XIRP2: variants seen among roughly 807,000 people sequenced by gnomAD.
XIRP2 encodes xin actin binding repeat containing 2, also known as xin actin-binding repeat-containing protein 2.
Under a neutral mutation model 277.0 loss-of-function variants are expected in XIRP2, and 236 were observed. The observed-to-expected ratio is 0.85, with a 90% CI of 0.77 to 0.95. The LOEUF (loss-of-function observed/expected upper bound fraction) is 0.95. Ranked by LOEUF, XIRP2 falls within the 40% of genes least tolerant of loss-of-function variation. The pLI, the probability that XIRP2 is intolerant of heterozygous loss-of-function variation, is 0.00. For missense variants in XIRP2, 4,640 were observed against 4,157.5 expected (o/e 1.12, Z -3.19); for synonymous variants, 1,490 against 1,416.5 (o/e 1.05, Z -1.17).
chr2:166,949,024 G>A (rs1233544256), intron 2 of XIRP2, among the ~76,000 whole-genome samples: 1 of 151,512 alleles, frequency 6.6e-6, no homozygotes, highest in Non-Finnish European at 1.5e-5. Context: ...CTCTCTAAAT[G>A]TTAACCTGTA....
intron 2 of XIRP2, among the ~76,000 whole-genome samples, chr2:166,920,081 C>G (rs1684997315): frequency 6.6e-6 from 1 of 152,056 alleles, no homozygotes; most frequent in African/African-American, 2.4e-5. Flanking sequence ...TTCGTCTGCC[C>G]TCAGGTGACT....
At chr2:166,981,697 A>T (rs1239372403) in intron 2 of XIRP2, among the ~76,000 whole-genome samples, 1 of 152,090 alleles carries the variant, frequency 6.6e-6, no homozygotes, top group Non-Finnish European at 1.5e-5. Context: ...CACCGCACCC[A>T]GTTCCTTCTC....
intron 3 of XIRP2, among the ~76,000 whole-genome samples, chr2:167,157,023 A>G (rs2105336909): frequency 6.6e-6 from 1 of 152,188 alleles, no homozygotes; most frequent in African/African-American, 2.4e-5. Context: ...TCATCCTTAT[A>G]CATTTTTCCA....
intron 2 of XIRP2, among the ~76,000 whole-genome samples, chr2:167,028,439 A>G (rs1688235660): frequency 6.6e-6 from 1 of 152,092 alleles, no homozygotes; most frequent in Non-Finnish European, 1.5e-5. Context: ...ATTCTCTCAG[A>G]TCTTACCCAA....
intron 5 of XIRP2, among the ~76,000 whole-genome samples, chr2:167,238,727 T>A (rs2105427210): frequency 6.6e-6 from 1 of 152,320 alleles, no homozygotes; most frequent in African/African-American, 2.4e-5. Flanking sequence ...TCAAAAATAA[T>A]ATTTATTATT....
At chr2:167,162,209 T>C (rs1692390838) in intron 3 of XIRP2, among the ~76,000 whole-genome samples, 1 of 152,202 alleles carries the variant, frequency 6.6e-6, no homozygotes, top group South Asian at 2.1e-4. Context: ...TTCTGAACCC[T>C]CCAAACTGTT....
Position 167,244,303 on chromosome 2 carries a change from G to A in XIRP2, c.2911G>A (p.Val971Ile), listed in dbSNP as rs773725714. 6.8e-6 allele frequency: 11 copies of A among 1,613,784 alleles called. No homozygotes were observed. The South Asian group carries it at 9.9e-5, about 14-fold the overall frequency. ...DASHKIEVEGVTRGAVELNKS... is the reference protein window; with the variant it reads ...DASHKIEVEGITRGAVELNKS... Reference sequence around the variant, plus strand: ...ATCACATAAAATAGAGGTGGAAGGAGTTACAAGAGGTGCTGTAGAGTTAAA... The same window carrying A: ...ATCACATAAAATAGAGGTGGAAGGAATTACAAGAGGTGCTGTAGAGTTAAA... Residue 971 changes from valine (V) to isoleucine (I), a missense_variant, in exon 9 of 11, where the codon GTT becomes ATT. Coordinates refer to ENST00000409195, the MANE Select transcript of XIRP2 (RefSeq NM_152381.6).
Position 167,218,313 on chromosome 2 carries a change from C to T in XIRP2, c.858+13C>T, listed in dbSNP as rs531374297. 6.9e-6 allele frequency: 10 copies of T among 1,449,972 alleles called. No individual in the cohort carries two copies. Among genetic ancestry groups the T allele is most frequent in the Non-Finnish European group, 9.2e-6 (10 of 1,091,658 alleles). 89.8% of individuals were successfully genotyped at this position (1,449,972 alleles called of 1,614,324 possible). ...CAGATCTGAGCAGGTAATACTACTA[C>T]AGGTGATGGGTAAATCAGGCATGGT... is the stretch of plus-strand genomic sequence containing the variant. On this transcript the variant is annotated intron_variant, in intron 5 of 10. Coordinates refer to ENST00000409195, the MANE Select transcript of XIRP2 (RefSeq NM_152381.6).
At chr2:167,228,131 A>G (rs1193926973) in intron 5 of XIRP2, among the ~76,000 whole-genome samples, 1 of 152,178 alleles carries the variant, frequency 6.6e-6, no homozygotes, top group Non-Finnish European at 1.5e-5. Context: ...TGCCCATAAA[A>G]TATAATCAGA....
At chr2:167,038,603 T>C (rs1046502221) in intron 2 of XIRP2, among the ~76,000 whole-genome samples, 1 of 151,800 alleles carries the variant, frequency 6.6e-6, no homozygotes, top group African/African-American at 2.4e-5. Context: ...ATGTTGCTTT[T>C]CTTGTATCTT....
In XIRP2 at chr2:167,136,003, G is replaced by T. The variant is rs1017783417; in HGVS notation, c.503G>T (p.Gly168Val). 4.3e-6 allele frequency: 7 copies of T among 1,611,836 alleles called. No homozygotes were observed. Among genetic ancestry groups the T allele is most frequent in the Non-Finnish European group, 5.9e-6 (7 of 1,179,052 alleles). The change falls in exon 3 of 11, where the codon GGC (glycine) becomes GTC (valine). Residue 168 changes from glycine to valine, a missense_variant. Gly to Val is a moderately radical substitution (Grantham distance 109). Coordinates refer to ENST00000409195, the MANE Select transcript of XIRP2 (RefSeq NM_152381.6). ...EDSVKDSDKK[G>V]KETSFDKMSP... ...TCTGTGAAAGATTCAGACAAGAAAGGCAAGGAAACATCTTTTGACAAGATG... is the reference window on the plus strand; with the variant it reads ...TCTGTGAAAGATTCAGACAAGAAAGTCAAGGAAACATCTTTTGACAAGATG...
chr2:166,969,422 T>C (rs1686515094), intron 2 of XIRP2, among the ~76,000 whole-genome samples: 1 of 152,014 alleles, frequency 6.6e-6, no homozygotes, highest in South Asian at 2.1e-4. Flanking sequence ...AGCTGCAGCC[T>C]TTAAATTTGA....
Position 167,247,394 on chromosome 2 carries a change from TG to T in XIRP2, c.6006del (p.Lys2003AsnfsTer7). The T allele has an allele frequency of 6.2e-7, 1 of 1,613,748 alleles. No individual in the cohort carries two copies. Among genetic ancestry groups the T allele is most frequent in the Non-Finnish European group, 8.5e-7 (1 of 1,179,784 alleles). ...QGGADTLSQT[M>X]GKSCHGNLVE... ...GGAGCAGATACTCTCAGTCAAACTA[TG>T]GGGAAATCTTGCCATGGCAATTTAG... is the stretch of plus-strand genomic sequence containing the variant. On this transcript the variant is annotated frameshift_variant, in exon 9 of 11. Transcript: ENST00000409195. LOFTEE classifies it high-confidence loss of function.
At chr2:167,075,998 C>G (rs1229547813) in intron 2 of XIRP2, among the ~76,000 whole-genome samples, 2 of 151,970 alleles carry the variant, frequency 1.3e-5, no homozygotes, top group African/African-American at 2.4e-5. Context: ...TCAACAAGAA[C>G]TAATGAGCAC....
At chr2:166,954,112 G>T (rs1258370089) in intron 2 of XIRP2, among the ~76,000 whole-genome samples, 1 of 151,838 alleles carries the variant, frequency 6.6e-6, no homozygotes, top group African/African-American at 2.4e-5. Context: ...TGGGCAGTAA[G>T]TAGTGAGGGA....
intron 2 of XIRP2, among the ~76,000 whole-genome samples, chr2:167,001,085 T>C (rs1022596510): frequency 1.5e-4 from 23 of 152,298 alleles, no homozygotes; most frequent in African/African-American, 5.5e-4. Flanking sequence ...CTATAATGAT[T>C]AGTTTAATAT....
intron 2 of XIRP2, among the ~76,000 whole-genome samples, chr2:167,093,690 C>T (rs1468645750): frequency 1.3e-5 from 2 of 152,130 alleles, no homozygotes; most frequent in African/African-American, 4.8e-5. Context: ...TGTATATGTG[C>T]CACATTTTCT....
intron 3 of XIRP2, among the ~76,000 whole-genome samples, chr2:167,144,803 C>T (rs2105326416): frequency 6.6e-6 from 1 of 152,204 alleles, no homozygotes; most frequent in South Asian, 2.1e-4. Flanking sequence ...CCAATTGCTT[C>T]ATAGTTATAT....
chr2:166,890,049 A>G (rs980124601), intron 1 of XIRP2, among the ~76,000 whole-genome samples: 1 of 151,832 alleles, frequency 6.6e-6, no homozygotes, highest in Non-Finnish European at 1.5e-5. Context: ...AGACTGGAGC[A>G]TAGTGGTGTG....
Sources: gnomAD v4.1 joint callset for allele counts (sites outside exome capture counted in the v4.1 genomes callset) on GRCh38, gnomAD v4.1.1 for gene constraint, MANE v1.5 for transcripts, NCBI Gene and HGNC (gene_info 2026-07-23, HGNC 2026-07-21) for gene names.